The following ADGRB3 variants were observed in gnomAD, a reference collection of about 807,000 sequenced individuals.
ADGRB3 encodes the protein adhesion G protein-coupled receptor B3.
ADGRB3 carries 37 observed loss-of-function variants against 193.4 expected under a neutral mutation model. That is an observed-to-expected ratio of 0.19 (90% CI 0.15 to 0.25). The LOEUF (loss-of-function observed/expected upper bound fraction) is 0.25, where lower values mean the gene tolerates loss of function less well. Among genes scored for constraint, ADGRB3 ranks in the 10% least tolerant of loss-of-function variants. The pLI is 1.00. For missense variants in ADGRB3, 1,637 were observed against 1,852.9 expected, an observed-to-expected ratio of 0.88 and a Z score of 2.14; for synonymous variants, 690 against 644.2, an observed-to-expected ratio of 1.07 and a Z score of -1.08.
chr6:69,230,720 G>T lies in ADGRB3; in HGVS notation c.2481-2570G>T, dbSNP rs184248019. Among the ~76,000 whole-genome samples the T allele has an allele frequency of 7.2e-4, 110 of 152,244 alleles. 2 individuals carry two copies. Among genetic ancestry groups the T allele is most frequent in the Middle Eastern group, 6.8e-3 (2 of 294 alleles). Reference sequence around the variant, plus strand: ...ATCACACATCTTACTTATCTCTTGGGAGTGATGAAATGCAGAACTTGGTGG... The same window carrying T: ...ATCACACATCTTACTTATCTCTTGGTAGTGATGAAATGCAGAACTTGGTGG... On this transcript the variant is annotated intron_variant, in intron 17 of 31. Coordinates refer to ENST00000370598, the MANE Select transcript of ADGRB3 (RefSeq NM_001704.3).
intron 17 of ADGRB3, chr6:69,232,658 C>A: frequency 6.6e-7 from 1 of 1,524,874 alleles, no homozygotes; most frequent in Non-Finnish European, 8.8e-7. Context: ...CCCTGGATAC[C>A]AGGCAAAGGC....
At chr6:68,901,414 C>A (rs550317033) in intron 3 of ADGRB3, among the ~76,000 whole-genome samples, 1 of 152,210 alleles carries the variant, frequency 6.6e-6, no homozygotes, top group East Asian at 1.9e-4. Context: ...GAAGAATCCA[C>A]AGTCTTTTTA....
At chr6:68,780,618 C>A (rs562815319) in intron 3 of ADGRB3, among the ~76,000 whole-genome samples, 10 of 152,052 alleles carry the variant, frequency 6.6e-5, no homozygotes, top group Non-Finnish European at 1.3e-4. Flanking sequence ...CGTAGACAGT[C>A]CTTACGAGGC....
chr6:68,726,576 T>C (rs1418591075), intron 3 of ADGRB3, among the ~76,000 whole-genome samples: 1 of 151,614 alleles, frequency 6.6e-6, no homozygotes, highest in Non-Finnish European at 1.5e-5. Flanking sequence ...AGATGGACCA[T>C]GTGGACAGGG....
At position 68,719,415 on chromosome 6, in the gene ADGRB3, A is replaced by G. The variant is rs1378943670; in HGVS notation, c.757+79983A>G. 8.6e-5 allele frequency among the ~76,000 whole-genome samples: 13 copies of G among 151,818 alleles called. No homozygotes were observed. The East Asian group carries it at 2.5e-3, about 29-fold the overall frequency. ...TAAAATTTTGTAGTTAGTGACCACC[A>G]TATTGGACAATGTAGATAGGGGCAC... On this transcript the variant is annotated intron_variant, in intron 3 of 31. Coordinates refer to ENST00000370598, the MANE Select transcript of ADGRB3 (RefSeq NM_001704.3).
At chr6:68,751,006 T>C (rs1562015270) in intron 3 of ADGRB3, among the ~76,000 whole-genome samples, 2 of 152,270 alleles carry the variant, frequency 1.3e-5, no homozygotes, top group African/African-American at 4.8e-5. Flanking sequence ...GGCTTCGTCT[T>C]CTATCCCTTG....
intron 3 of ADGRB3, among the ~76,000 whole-genome samples, chr6:68,670,394 G>A (rs1768921336): frequency 6.6e-6 from 1 of 151,972 alleles, no homozygotes; most frequent in Non-Finnish European, 1.5e-5. Context: ...TAGTTTCATA[G>A]TTTGAGGTCT....
In ADGRB3 at chr6:69,085,978, A is replaced by G. The variant is rs933973345; in HGVS notation, c.2480+9940A>G. On this transcript the variant is annotated intron_variant, in intron 17 of 31. Transcript: ENST00000370598. Reference sequence around the variant, plus strand: ...ATAGAATAAAAATGCATGTATCAATAATGATTTTGATTAAAAAAAGAAACC... The same window carrying G: ...ATAGAATAAAAATGCATGTATCAATGATGATTTTGATTAAAAAAAGAAACC... Among the ~76,000 whole-genome samples, 4 of 152,094 alleles carry G rather than the reference A, an allele frequency of 2.6e-5. No individual in the cohort carries two copies. In the South Asian group the frequency reaches 8.3e-4, roughly 32 times the overall value.
chr6:69,035,353 T>G (rs1770836653), intron 13 of ADGRB3, among the ~76,000 whole-genome samples: 1 of 62,504 alleles, frequency 1.6e-5, no homozygotes, highest in Non-Finnish European at 3.4e-5. Context: ...GACCTATGGG[T>G]TTTTTGCTTT....
intron 3 of ADGRB3, among the ~76,000 whole-genome samples, chr6:68,850,862 A>G (rs776694535): frequency 3.9e-4 from 59 of 151,962 alleles, no homozygotes; most frequent in Non-Finnish European, 7.4e-4. Context: ...TCTGAATTAT[A>G]TATTGTTACA....
chr6:69,122,752 A>G (rs1340228651), intron 17 of ADGRB3, among the ~76,000 whole-genome samples: 2 of 152,002 alleles, frequency 1.3e-5, no homozygotes, highest in Non-Finnish European at 2.9e-5. Flanking sequence ...GCAAAAATAT[A>G]TATTTTTGCT....
chr6:69,191,816 T>G (rs1388349040), intron 17 of ADGRB3, among the ~76,000 whole-genome samples: 1 of 151,904 alleles, frequency 6.6e-6, no homozygotes, highest in Non-Finnish European at 1.5e-5. Flanking sequence ...ATAAAACAAG[T>G]AAAAAGTAAT....
intron 20 of ADGRB3, among the ~76,000 whole-genome samples, chr6:69,274,629 T>C (rs1438546446): frequency 1.5e-5 from 2 of 135,730 alleles, no homozygotes; most frequent in African/African-American, 5.3e-5. Flanking sequence ...CTCCCTTCCT[T>C]CCTTCTTTCC....
rs148919682 is a variant in ADGRB3 at position 69,091,375 on chromosome 6, A to G, written c.2480+15337A>G. On this transcript the variant is annotated intron_variant, in intron 17 of 31. Coordinates refer to ENST00000370598, the MANE Select transcript of ADGRB3 (RefSeq NM_001704.3). ...TACAGCACTTTTCACAATAGCAAAG[A>G]CATGGAATCAGCCAAAGTGCCCATC... Among the ~76,000 whole-genome samples, 966 of 152,348 alleles carry G rather than the reference A, an allele frequency of 6.3e-3. 10 individuals are homozygous for G. Among genetic ancestry groups the G allele is most frequent in the African/African-American group, 0.022 (894 of 41,570 alleles).
At chr6:68,904,403 CATT>C (rs1228799041) in intron 3 of ADGRB3, among the ~76,000 whole-genome samples, 1 of 152,132 alleles carries the variant, frequency 6.6e-6, no homozygotes, top group East Asian at 1.9e-4. Context: ...CATTTAACAT[CATT>C]ATGTTGCATA....
At chr6:68,658,760 G>A (rs1288436189) in intron 3 of ADGRB3, among the ~76,000 whole-genome samples, 1 of 149,480 alleles carries the variant, frequency 6.7e-6, no homozygotes, top group Non-Finnish European at 1.5e-5. Context: ...AGATGTTAAA[G>A]GCTTTGCTGT....
intron 3 of ADGRB3, among the ~76,000 whole-genome samples, chr6:68,769,884 T>C (rs920339043): frequency 3.3e-5 from 5 of 152,100 alleles, no homozygotes; most frequent in Non-Finnish European, 5.9e-5. Context: ...TTAGTCAAAA[T>C]GGGATAAGTT....
intron 3 of ADGRB3, among the ~76,000 whole-genome samples, chr6:68,665,184 A>G (rs1768771271): frequency 6.6e-6 from 1 of 151,108 alleles, no homozygotes; most frequent in African/African-American, 2.4e-5. Flanking sequence ...TCGGTGCTCT[A>G]CACGTTCAGA....
At chr6:69,388,292 A>G (rs1770116897) in intron 31 of ADGRB3, among the ~76,000 whole-genome samples, 1 of 152,142 alleles carries the variant, frequency 6.6e-6, no homozygotes, top group Admixed American at 6.6e-5. Context: ...AATATGCCCC[A>G]TAAGACATTC....
Sources: gnomAD v4.1 joint callset for allele counts (sites outside exome capture counted in the v4.1 genomes callset) on GRCh38, gnomAD v4.1.1 for gene constraint, MANE v1.5 for transcripts, NCBI Gene and HGNC (gene_info 2026-07-23, HGNC 2026-07-21) for gene names.